FAM168A: variants seen among roughly 807,000 people sequenced by gnomAD.
FAM168A encodes family with sequence similarity 168 member A, also known as protein FAM168A.
FAM168A carries 3 observed loss-of-function variants against 28.5 expected under a neutral mutation model. That is an observed-to-expected ratio of 0.11 (90% confidence interval 0.05 to 0.27). The LOEUF (loss-of-function observed/expected upper bound fraction) is 0.27. FAM168A is among the 10% of genes least tolerant of loss of function. The pLI is 1.00. For missense variants in FAM168A, 222 were observed against 311.5 expected (o/e 0.71, Z 2.16); for synonymous variants, 122 against 124.2 (o/e 0.98, Z 0.12).
At chr11:73,472,264 C>T (rs1264866741) in intron 1 of FAM168A, among the ~76,000 whole-genome samples, 1 of 152,150 alleles carries the variant, frequency 6.6e-6, no homozygotes, top group African/African-American at 2.4e-5. Flanking sequence ...GACATCTGAG[C>T]AAACACCTGA....
At chr11:73,531,971 A>AT (rs1016007383) in intron 1 of FAM168A, among the ~76,000 whole-genome samples, 10,120 of 123,438 alleles carry the variant, frequency 0.082, 506 homozygotes, top group Admixed American at 0.11. Flanking sequence ...TGCCTGGCTA[A>AT]TTTTTTTTTT....
chr11:73,547,161 G>T (rs924671378), intron 1 of FAM168A, among the ~76,000 whole-genome samples: 2 of 149,232 alleles, frequency 1.3e-5, no homozygotes, highest in Non-Finnish European at 3.0e-5. Context: ...AGAGGAAAAG[G>T]CGGGGGGGAG....
intron 1 of FAM168A, among the ~76,000 whole-genome samples, chr11:73,595,513 T>C (rs145787143): frequency 6.6e-6 from 1 of 152,318 alleles, no homozygotes; most frequent in African/African-American, 2.4e-5. Flanking sequence ...CCTCATTTTT[T>C]TTCAGTCTGA....
intron 1 of FAM168A, among the ~76,000 whole-genome samples, chr11:73,547,150 C>T (rs965981012): frequency 9.0e-6 from 1 of 111,118 alleles, no homozygotes; most frequent in African/African-American, 3.5e-5. Flanking sequence ...GAGGAGTAGG[C>T]AGAGGAAAAG....
Position 73,566,695 on chromosome 11 carries a change from C to G in FAM168A, c.-19+31228G>C, listed in dbSNP as rs141333172. On this transcript the variant is annotated intron_variant, in intron 1 of 7. Transcript: ENST00000356467. The stretch of plus-strand genomic sequence containing the variant: ...TTCAAGTCCCAGTCTGTCATACACT[C>G]TACTCATTCAAGCAATTACAGAGTA... 3.5e-3 allele frequency among the ~76,000 whole-genome samples: 538 copies of G among 152,326 alleles called. 1 individual carries two copies. Among genetic ancestry groups the G allele is most frequent in the African/African-American group, 0.012 (514 of 41,576 alleles).
intron 2 of FAM168A, among the ~76,000 whole-genome samples, chr11:73,435,077 T>A (rs1565243094): frequency 2.0e-5 from 3 of 152,206 alleles, no homozygotes; most frequent in African/African-American, 7.2e-5. Flanking sequence ...AATCCCTAAA[T>A]CCCTAAAAGC....
At chr11:73,419,490 T>C (rs2134495096) in intron 4 of FAM168A, among the ~76,000 whole-genome samples, 1 of 152,260 alleles carries the variant, frequency 6.6e-6, no homozygotes, top group Middle Eastern at 3.4e-3. Flanking sequence ...TTATTTGGCC[T>C]AGATGTCAAT....
At chr11:73,494,108 A>G (rs1231636447) in intron 1 of FAM168A, among the ~76,000 whole-genome samples, 3 of 152,074 alleles carry the variant, frequency 2.0e-5, no homozygotes, top group Non-Finnish European at 2.9e-5. Context: ...TATGTACAGT[A>G]TGGACATGTA....
intron 1 of FAM168A, among the ~76,000 whole-genome samples, chr11:73,594,869 T>C (rs185368189): frequency 6.6e-6 from 1 of 152,328 alleles, no homozygotes; most frequent in East Asian, 1.9e-4. Flanking sequence ...ATCACTCAGC[T>C]TTCAAGTAGT....
At chr11:73,506,261 T>C (rs1360740364) in intron 1 of FAM168A, among the ~76,000 whole-genome samples, 1 of 152,130 alleles carries the variant, frequency 6.6e-6, no homozygotes, top group African/African-American at 2.4e-5. Flanking sequence ...GTGAAGAAAC[T>C]TGGATCAAAA....
chr11:73,425,806 T>C (rs1446753947), intron 3 of FAM168A, among the ~76,000 whole-genome samples: 1 of 152,268 alleles, frequency 6.6e-6, no homozygotes, highest in East Asian at 1.9e-4. Context: ...AGGCTGGTCT[T>C]GACCTTTGGC....
chr11:73,482,380 G>A (rs2134595449), intron 1 of FAM168A, among the ~76,000 whole-genome samples: 1 of 151,386 alleles, frequency 6.6e-6, no homozygotes, highest in African/African-American at 2.4e-5. Context: ...ATGAACAACT[G>A]GATAGAAAGA....
At position 73,402,204 on chromosome 11, in the gene FAM168A, T is replaced by G. The variant is rs945025347; in HGVS notation, c.*4559A>C. 2 of 152,220 alleles carry G rather than the reference T, an allele frequency of 1.3e-5. No homozygotes were observed. Among genetic ancestry groups the G allele is most frequent in the East Asian group, 3.8e-4 (2 of 5,200 alleles). The allele number at this position is 152,220 out of a possible 1,614,324, so 9.4% of individuals were successfully genotyped here. On this transcript the variant is annotated 3_prime_UTR_variant, in exon 8 of 8. Transcript: ENST00000356467. ...AAGCAGACTTCCACGTATTTTCACTTAACTGCAATTGAGGAGGAATTCTGA... is the reference window on the plus strand; with the variant it reads ...AAGCAGACTTCCACGTATTTTCACTGAACTGCAATTGAGGAGGAATTCTGA...
At chr11:73,433,906 C>A (rs987243396) in intron 2 of FAM168A, among the ~76,000 whole-genome samples, 4 of 130,222 alleles carry the variant, frequency 3.1e-5, no homozygotes, top group Non-Finnish European at 4.6e-5. Flanking sequence ...AGTGCAGTGG[C>A]GCTGTATTGG....
intron 1 of FAM168A, among the ~76,000 whole-genome samples, chr11:73,570,559 T>C (rs1192320116): frequency 6.6e-6 from 1 of 151,982 alleles, no homozygotes. Flanking sequence ...CTGGGCAACA[T>C]GGTGAAACCC....
chr11:73,516,486 T>C (rs1943305786), intron 1 of FAM168A, among the ~76,000 whole-genome samples: 1 of 152,208 alleles, frequency 6.6e-6, no homozygotes, highest in Non-Finnish European at 1.5e-5. Context: ...TATGATAGAA[T>C]CAAGTTTAAG....
intron 1 of FAM168A, among the ~76,000 whole-genome samples, chr11:73,513,342 T>G (rs1028095535): frequency 2.0e-5 from 3 of 151,292 alleles, no homozygotes; most frequent in African/African-American, 7.3e-5. Flanking sequence ...CCCGAGTAGC[T>G]GGGACTACAG....
chr11:73,490,210 T>C (rs756470756), intron 1 of FAM168A, among the ~76,000 whole-genome samples: 2 of 152,230 alleles, frequency 1.3e-5, no homozygotes, highest in Non-Finnish European at 2.9e-5. Flanking sequence ...CTCTAAAATA[T>C]ATTCAGAATT....
intron 1 of FAM168A, among the ~76,000 whole-genome samples, chr11:73,565,778 A>G (rs1007540283): frequency 2.6e-5 from 4 of 152,176 alleles, no homozygotes; most frequent in African/African-American, 9.7e-5. Flanking sequence ...GCTTTTAAAA[A>G]CAATACCATA....
Sources: allele counts gnomAD v4.1 joint callset (sites outside exome capture counted in the v4.1 genomes callset), GRCh38; gene constraint gnomAD v4.1.1; transcripts MANE v1.5; gene names NCBI Gene and HGNC (gene_info 2026-07-23, HGNC 2026-07-21).